Variants in ADGRB3 observed in about 807,000 individuals in gnomAD.
ADGRB3 encodes the protein adhesion G protein-coupled receptor B3, also known as brain-specific angiogenesis inhibitor 3.
In ADGRB3, 37 loss-of-function variants were observed where a neutral mutation model predicts 193.4. That is an observed-to-expected ratio of 0.19 (90% CI 0.15 to 0.25). The LOEUF (loss-of-function observed/expected upper bound fraction) is 0.25, where lower values mean the gene tolerates loss of function less well. Among genes scored for constraint, ADGRB3 ranks in the 10% least tolerant of loss-of-function variants. ADGRB3 has a pLI of 1.00. For missense variants in ADGRB3, 1,637 were observed against 1,852.9 expected, an observed-to-expected ratio of 0.88 and a Z score of 2.14; for synonymous variants, 690 against 644.2, an observed-to-expected ratio of 1.07 and a Z score of -1.08.
intron 17 of ADGRB3, among the ~76,000 whole-genome samples, chr6:69,211,771 C>G (rs372571694): frequency 6.6e-6 from 1 of 152,138 alleles, no homozygotes; most frequent in East Asian, 1.9e-4. Context: ...CAAGAATAGA[C>G]GACTCCATAC....
At chr6:68,698,928 A>C (rs1285525839) in intron 3 of ADGRB3, among the ~76,000 whole-genome samples, 4 of 152,070 alleles carry the variant, frequency 2.6e-5, no homozygotes, top group Non-Finnish European at 4.4e-5. Context: ...TTATTTGTAC[A>C]AATTTTCCCA....
intron 6 of ADGRB3, among the ~76,000 whole-genome samples, chr6:68,947,525 T>A (rs1767805202): frequency 6.6e-6 from 1 of 152,160 alleles, no homozygotes; most frequent in Non-Finnish European, 1.5e-5. Flanking sequence ...AAATTTCTAA[T>A]ATCCCAAAAT....
At chr6:69,369,896 T>C (rs1377465279) in intron 29 of ADGRB3, among the ~76,000 whole-genome samples, 2 of 152,150 alleles carry the variant, frequency 1.3e-5, no homozygotes, top group Non-Finnish European at 2.9e-5. Flanking sequence ...AATTGACAAG[T>C]AAAAGTTAAC....
chr6:69,340,026 A>G (rs1361770620), intron 26 of ADGRB3, among the ~76,000 whole-genome samples: 2 of 152,160 alleles, frequency 1.3e-5, no homozygotes, highest in Non-Finnish European at 2.9e-5. Context: ...TATGATTGCT[A>G]TGGATTATTG....
intron 3 of ADGRB3, among the ~76,000 whole-genome samples, chr6:68,640,011 G>C (rs1768047326): frequency 6.6e-6 from 1 of 152,136 alleles, no homozygotes; most frequent in Admixed American, 6.5e-5. Context: ...TTCTCCCCTG[G>C]TCTGGAATTT....
chr6:68,807,137 T>G (rs924059203), intron 3 of ADGRB3, among the ~76,000 whole-genome samples: 1 of 152,174 alleles, frequency 6.6e-6, no homozygotes, highest in African/African-American at 2.4e-5. Flanking sequence ...AAGCCCAATT[T>G]TAGTTATAGG....
intron 20 of ADGRB3, among the ~76,000 whole-genome samples, chr6:69,314,244 A>AT (rs983706521): frequency 6.6e-6 from 1 of 151,628 alleles, no homozygotes. Flanking sequence ...TGTGGAACAG[A>AT]TTTTTTTCTC....
At chr6:69,053,929 T>C (rs772915306) in intron 15 of ADGRB3, among the ~76,000 whole-genome samples, 3 of 152,186 alleles carry the variant, frequency 2.0e-5, no homozygotes, top group African/African-American at 7.2e-5. Context: ...TTATAAACAA[T>C]CATTTGTCTG....
At position 68,952,131 on chromosome 6, in the gene ADGRB3, C is replaced by A. The variant is rs866467393; in HGVS notation, c.1196-3893C>A. Among the ~76,000 whole-genome samples, 16 of 152,004 alleles carry A rather than the reference C, an allele frequency of 1.1e-4. No homozygotes were observed. The South Asian group carries it at 3.3e-3, about 32-fold the overall frequency. On this transcript the variant is annotated intron_variant, in intron 6 of 31. Coordinates refer to ENST00000370598, the MANE Select transcript of ADGRB3 (RefSeq NM_001704.3). ...TCCAAAACAGAACTCTTAATTTCTA[C>A]CCCCCCAAAGCCTCCCTGTTCTCTA...
intron 6 of ADGRB3, among the ~76,000 whole-genome samples, chr6:68,951,208 A>G (rs1020880440): frequency 2.0e-5 from 3 of 152,192 alleles, no homozygotes; most frequent in African/African-American, 7.2e-5. Flanking sequence ...AATTTATTTT[A>G]CAGTCCTCAG....
At chr6:69,281,476 A>G (rs1767434961) in intron 20 of ADGRB3, among the ~76,000 whole-genome samples, 4 of 152,172 alleles carry the variant, frequency 2.6e-5, no homozygotes, top group Non-Finnish European at 5.9e-5. Flanking sequence ...TAGAAACCCA[A>G]CATAGCAGAG....
intron 3 of ADGRB3, among the ~76,000 whole-genome samples, chr6:68,860,734 A>AT (rs1404402775): frequency 7.2e-5 from 11 of 151,994 alleles, no homozygotes; most frequent in East Asian, 1.9e-4. Context: ...TTGATATGAC[A>AT]ATTTTTTTTC....
At chr6:68,932,587 A>T (rs984136539) in intron 4 of ADGRB3, among the ~76,000 whole-genome samples, 25 of 152,152 alleles carry the variant, frequency 1.6e-4, no homozygotes, top group African/African-American at 5.3e-4. Flanking sequence ...TTTTTCCTTA[A>T]ATATTTTCCT....
chr6:69,150,666 C>T lies in ADGRB3; in HGVS notation c.2480+74628C>T, dbSNP rs182962522. ...TCCCTTCACTTTTACCTCTTCTTTCCTTAAACAAAAGGAGGCTTTCCTTGT... is the reference window on the plus strand; with the variant it reads ...TCCCTTCACTTTTACCTCTTCTTTCTTTAAACAAAAGGAGGCTTTCCTTGT... On this transcript the variant is annotated intron_variant, in intron 17 of 31. Transcript: ENST00000370598. Among the ~76,000 whole-genome samples, 11 of 152,268 alleles carry T rather than the reference C, an allele frequency of 7.2e-5. No homozygotes were observed. The East Asian group carries it at 1.2e-3, about 16-fold the overall frequency.
chr6:69,317,949 T>G (rs1035935741), intron 20 of ADGRB3, among the ~76,000 whole-genome samples: 2 of 151,548 alleles, frequency 1.3e-5, no homozygotes, highest in Non-Finnish European at 3.0e-5. Flanking sequence ...TATATGTTGA[T>G]CTTGCATCCA....
At chr6:69,264,900 G>T (rs1767007867) in intron 20 of ADGRB3, among the ~76,000 whole-genome samples, 1 of 151,822 alleles carries the variant, frequency 6.6e-6, no homozygotes, top group Non-Finnish European at 1.5e-5. Flanking sequence ...CTGAGTCATT[G>T]TTCAAGAAAT....
intron 13 of ADGRB3, among the ~76,000 whole-genome samples, chr6:69,041,762 A>C (rs1771078327): frequency 6.6e-6 from 1 of 151,916 alleles, no homozygotes; most frequent in Admixed American, 6.6e-5. Flanking sequence ...GTGCAAAGCT[A>C]TGCCTGACAA....
At chr6:69,203,471 A>G (rs1765476301) in intron 17 of ADGRB3, among the ~76,000 whole-genome samples, 2 of 150,242 alleles carry the variant, frequency 1.3e-5, no homozygotes, top group Admixed American at 6.6e-5. Flanking sequence ...TCTCTTACCC[A>G]TATTTAATTA....
intron 3 of ADGRB3, among the ~76,000 whole-genome samples, chr6:68,651,040 A>G (rs1167381040): frequency 6.6e-6 from 1 of 152,198 alleles, no homozygotes; most frequent in Admixed American, 6.5e-5. Flanking sequence ...TGTTTACTTT[A>G]TATAATCTTT....
Sources: allele counts gnomAD v4.1 joint callset (sites outside exome capture counted in the v4.1 genomes callset), GRCh38; gene constraint gnomAD v4.1.1; transcripts MANE v1.5; gene names NCBI Gene and HGNC (gene_info 2026-07-23, HGNC 2026-07-21).